The following SHROOM3 variants were observed in gnomAD, a reference collection of about 807,000 sequenced individuals.
SHROOM3 encodes shroom family member 3.
A neutral mutation model predicts 138.6 loss-of-function variants in SHROOM3; 47 were observed. The ratio of observed to expected loss-of-function variants is 0.34; its 90% CI spans 0.27 to 0.43. The LOEUF is 0.43. SHROOM3 is among the 20% of genes least tolerant of loss of function. The pLI, the probability that SHROOM3 is intolerant of heterozygous loss-of-function variation, is 1.00. For missense variants in SHROOM3, 2,491 were observed against 2,596.5 expected, an observed-to-expected ratio of 0.96 and a Z score of 0.88; for synonymous variants, 1,062 against 1,063.3, an observed-to-expected ratio of 1.00 and a Z score of 0.02.
chr4:76,560,779 A>G (rs550340204), intron 2 of SHROOM3, among the ~76,000 whole-genome samples: 6 of 152,290 alleles, frequency 3.9e-5, no homozygotes, highest in African/African-American at 1.4e-4. Context: ...AGGATACCTG[A>G]GATAGCGGTG....
At chr4:76,751,126 T>C (rs1309720834) in intron 6 of SHROOM3, among the ~76,000 whole-genome samples, 2 of 152,176 alleles carry the variant, frequency 1.3e-5, no homozygotes, top group Non-Finnish European at 2.9e-5. Context: ...TTTCTGACCA[T>C]CACAACCAAG....
At chr4:76,625,594 G>A (rs1735117319) in intron 2 of SHROOM3, among the ~76,000 whole-genome samples, 1 of 152,010 alleles carries the variant, frequency 6.6e-6, no homozygotes, top group South Asian at 2.1e-4. Flanking sequence ...AATATAGGAA[G>A]TGTTTCTCTC....
At chr4:76,556,742 G>T (rs993559764) in intron 2 of SHROOM3, among the ~76,000 whole-genome samples, 13 of 152,248 alleles carry the variant, frequency 8.5e-5, no homozygotes, top group African/African-American at 2.7e-4. Context: ...GCTGTAGAAA[G>T]TAAGCTGGTC....
chr4:76,702,969 CG>C (rs1175151001), intron 2 of SHROOM3, among the ~76,000 whole-genome samples: 1 of 152,036 alleles, frequency 6.6e-6, no homozygotes, highest in African/African-American at 2.4e-5. Flanking sequence ...ATTAAGCTTA[CG>C]GTTTCAGAAA....
intron 2 of SHROOM3, among the ~76,000 whole-genome samples, chr4:76,666,597 AT>A (rs1355674291): frequency 1.3e-5 from 2 of 152,136 alleles, no homozygotes; most frequent in African/African-American, 4.8e-5. Flanking sequence ...TCTTTATAAC[AT>A]TTTTTTAAAA....
rs548006355 is a variant in SHROOM3, at chr4:76,453,089, G to T, written c.168+16869G>T. On this transcript the variant is annotated intron_variant, in intron 1 of 10. Coordinates refer to ENST00000296043, the MANE Select transcript of SHROOM3 (RefSeq NM_020859.4). ...GAGTTCCTTCTTTCAATTCCATGGG[G>T]TCTATACCTAGAAGTGGCATTGAAG... Among the ~76,000 whole-genome samples the T allele has an allele frequency of 1.1e-4, 17 of 152,160 alleles. No individual in the cohort carries two copies. The South Asian group carries it at 3.5e-3, about 32-fold the overall frequency.
chr4:76,777,001 C>T (rs1487871319), intron 10 of SHROOM3, among the ~76,000 whole-genome samples: 3 of 152,116 alleles, frequency 2.0e-5, no homozygotes, highest in African/African-American at 4.8e-5. Flanking sequence ...TGACTGTGGC[C>T]TTGTAGTATA....
At chr4:76,499,378 A>G (rs534174212) in intron 1 of SHROOM3, among the ~76,000 whole-genome samples, 2 of 152,376 alleles carry the variant, frequency 1.3e-5, no homozygotes, top group Non-Finnish European at 2.9e-5. Flanking sequence ...AATAAATAGT[A>G]GTTATGATTA....
intron 9 of SHROOM3, 55 bp downstream of exon 9, chr4:76,759,750 T>C (rs1258168748): frequency 6.3e-7 from 1 of 1,584,662 alleles, no homozygotes; most frequent in Non-Finnish European, 8.6e-7. Context: ...ATTGACAAGG[T>C]CCATGTAATC....
intron 10 of SHROOM3, among the ~76,000 whole-genome samples, chr4:76,775,387 A>T (rs962436691): frequency 1.3e-5 from 2 of 150,684 alleles, no homozygotes; most frequent in South Asian, 2.1e-4. Flanking sequence ...GAATGGCAAT[A>T]AAAAAAAATA....
chr4:76,667,966 C>CAAAAAAAAAAAAAAAAAA (rs747974205), intron 2 of SHROOM3, among the ~76,000 whole-genome samples: 7 of 62,556 alleles, frequency 1.1e-4, no homozygotes, highest in Admixed American at 2.1e-4. Flanking sequence ...GACTCCCTCT[C>CAAAAAAAAAAAAAAAAAA]AAAAAAAAAA....
intron 2 of SHROOM3, among the ~76,000 whole-genome samples, chr4:76,686,684 C>A (rs1299388681): frequency 1.3e-5 from 2 of 152,050 alleles, no homozygotes; most frequent in East Asian, 3.9e-4. Flanking sequence ...ATCAGACCCT[C>A]TGAATATACT....
At chr4:76,592,211 A>G (rs1734287725) in intron 2 of SHROOM3, among the ~76,000 whole-genome samples, 1 of 152,218 alleles carries the variant, frequency 6.6e-6, no homozygotes, top group African/African-American at 2.4e-5. Flanking sequence ...TGTTTGGGAA[A>G]GAGCTGGGAG....
chr4:76,759,349 C>A (rs1721920660), intron 8 of SHROOM3, among the ~76,000 whole-genome samples, 196 bp from the exon 9 acceptor site: 1 of 152,180 alleles, frequency 6.6e-6, no homozygotes, highest in South Asian at 2.1e-4. Context: ...TGGTGGTTTT[C>A]CATCCCAAGT....
intron 3 of SHROOM3, 81 bp from the exon 4 acceptor site, chr4:76,730,723 C>T: frequency 6.3e-7 from 1 of 1,597,314 alleles, no homozygotes; most frequent in South Asian, 1.1e-5. Flanking sequence ...GTCTTCGCTT[C>T]CAAATCCACA....
At chr4:76,466,011 C>G (rs1579172514) in intron 1 of SHROOM3, among the ~76,000 whole-genome samples, 1 of 152,142 alleles carries the variant, frequency 6.6e-6, no homozygotes, top group East Asian at 1.9e-4. Context: ...GGACAATAAC[C>G]AAGAACCTGA....
intron 2 of SHROOM3, among the ~76,000 whole-genome samples, chr4:76,583,269 T>C (rs1187044931): frequency 1.3e-5 from 2 of 152,156 alleles, no homozygotes; most frequent in Non-Finnish European, 2.9e-5. Flanking sequence ...ATCTCCAGAC[T>C]TGAGGACCCC....
intron 2 of SHROOM3, among the ~76,000 whole-genome samples, chr4:76,650,607 C>T (rs989975691): frequency 2.6e-5 from 4 of 151,780 alleles, no homozygotes; most frequent in African/African-American, 4.8e-5. Flanking sequence ...TGCAGCGGTA[C>T]GATCTCAGCT....
rs530976196 is a variant in SHROOM3, at chr4:76,518,494, G to T, written c.169-37115G>T. On this transcript the variant is annotated intron_variant, in intron 1 of 10. Coordinates refer to ENST00000296043, the MANE Select transcript of SHROOM3 (RefSeq NM_020859.4). The stretch of plus-strand genomic sequence containing the variant: ...TTCCTTTTTGCCTGTCTGCCTGCCT[G>T]CCTTCCTTCCTTCCTTCTTTCCTTC... 1.5e-3 allele frequency among the ~76,000 whole-genome samples: 188 copies of T among 127,258 alleles called. 1 individual carries two copies. Among genetic ancestry groups the T allele is most frequent in the East Asian group, 7.4e-3 (30 of 4,040 alleles). The allele number at this position is 127,258 out of a possible 152,430, so 83.5% of individuals were successfully genotyped here. A position where few individuals can be genotyped will look rare whatever the true frequency, so the allele number is the denominator to read the frequency against.
Sources: allele counts gnomAD v4.1 joint callset (sites outside exome capture counted in the v4.1 genomes callset), GRCh38; gene constraint gnomAD v4.1.1; transcripts MANE v1.5; gene names NCBI Gene and HGNC (gene_info 2026-07-23, HGNC 2026-07-21).